Variants in LZTFL1 observed in about 807,000 individuals in gnomAD.
The protein encoded by LZTFL1 is leucine zipper transcription factor-like protein 1.
Under a neutral mutation model 45.9 loss-of-function variants are expected in LZTFL1, and 25 were observed. The ratio of observed to expected loss-of-function variants is 0.54; its 90% CI spans 0.40 to 0.76. The LOEUF (loss-of-function observed/expected upper bound fraction) is 0.76. Ranked by LOEUF, LZTFL1 falls within the 30% of genes least tolerant of loss-of-function variation. LZTFL1 has a pLI of 0.00. For missense variants in LZTFL1, 277 were observed against 331.1 expected (o/e 0.84, Z 1.27); for synonymous variants, 93 against 117.4 (o/e 0.79, Z 1.35).
rs141973623 is a variant in LZTFL1, at chr3:45,875,669, AAAAG to A, written c.-214-16657_-214-16654del. ...AGACTCTGTCTCTATGAAACATACA[AAAAG>A]AAAGAAAGAAAGAAAGAAACAAAAG... On this transcript the variant is annotated intron_variant, in intron 2 of 4. Coordinates refer to the LZTFL1 transcript ENST00000472635. Among the ~76,000 whole-genome samples, 1,365 of 152,088 alleles carry A rather than the reference AAAAG, an allele frequency of 9.0e-3. 21 individuals carry two copies. The highest frequency in any genetic ancestry group is 0.031 in the African/African-American group (1,293 of 41,502).
At chr3:45,869,403 G>T (rs1314634003) in intron 2 of LZTFL1, among the ~76,000 whole-genome samples, 2 of 152,162 alleles carry the variant, frequency 1.3e-5, no homozygotes, top group Non-Finnish European at 2.9e-5. Flanking sequence ...AGTCATGCTT[G>T]CTTAAAGCCA....
intron 2 of LZTFL1, among the ~76,000 whole-genome samples, chr3:45,873,011 A>G (rs1165743270): frequency 6.6e-6 from 1 of 152,240 alleles, no homozygotes; most frequent in Non-Finnish European, 1.5e-5. Context: ...CTACCCAGGT[A>G]CTTATTTTTT....
intron 3 of LZTFL1, among the ~76,000 whole-genome samples, chr3:45,857,903 G>C (rs1466383071): frequency 6.6e-6 from 1 of 152,022 alleles, no homozygotes; most frequent in African/African-American, 2.4e-5. Flanking sequence ...CAAGTCCATA[G>C]TTTATTTGTT....
chr3:45,894,345 C>A (rs576301409), intron 2 of LZTFL1, among the ~76,000 whole-genome samples: 1 of 152,284 alleles, frequency 6.6e-6, no homozygotes, highest in South Asian at 2.1e-4. Context: ...GGGCCCCAAC[C>A]CCAGTGGGCA....
intron 5 of LZTFL1, among the ~76,000 whole-genome samples, 185 bp from the exon 6 acceptor site, chr3:45,831,323 G>A (rs540245618): frequency 2.0e-5 from 3 of 152,304 alleles, no homozygotes; most frequent in African/African-American, 7.2e-5. Context: ...CTGTGAGTCA[G>A]CTTTGGATCT....
At chr3:45,831,942 T>G (rs1279915193) in intron 5 of LZTFL1, among the ~76,000 whole-genome samples, 4 of 152,058 alleles carry the variant, frequency 2.6e-5, no homozygotes, top group African/African-American at 9.7e-5. Flanking sequence ...CCAATAAAAC[T>G]ATTACATTTT....
At chr3:45,913,694 T>C (rs1251964625) in intron 1 of LZTFL1, among the ~76,000 whole-genome samples, 1 of 152,226 alleles carries the variant, frequency 6.6e-6, no homozygotes, top group Admixed American at 6.5e-5. Context: ...TTTTAATTAG[T>C]AGTTAGGGTA....
At chr3:45,868,369 T>C (rs1428431790) in intron 2 of LZTFL1, among the ~76,000 whole-genome samples, 1 of 152,130 alleles carries the variant, frequency 6.6e-6, no homozygotes, top group East Asian at 1.9e-4. Flanking sequence ...GAGAGCCAGA[T>C]GACTCTTAAC....
chr3:45,865,180 TGAG>T (rs753486817), intron 2 of LZTFL1, among the ~76,000 whole-genome samples: 15 of 152,232 alleles, frequency 9.9e-5, no homozygotes, highest in African/African-American at 2.2e-4. Context: ...CAGCCTTTCC[TGAG>T]GAGAAGAAGG....
intron 2 of LZTFL1, among the ~76,000 whole-genome samples, chr3:45,871,196 A>G (rs931466062): frequency 2.0e-5 from 3 of 152,208 alleles, no homozygotes; most frequent in Admixed American, 1.3e-4. Flanking sequence ...AAAGAAATGC[A>G]TTGAATTTCT....
At chr3:45,894,892 T>G (rs768637042) in intron 2 of LZTFL1, 1 of 1,610,208 alleles carries the variant, frequency 6.2e-7, no homozygotes, top group Admixed American at 1.7e-5. Flanking sequence ...TTTTGATTTT[T>G]GTCCCTTTTC....
At chr3:45,866,711 T>C (rs1701582922) in intron 2 of LZTFL1, among the ~76,000 whole-genome samples, 1 of 152,228 alleles carries the variant, frequency 6.6e-6, no homozygotes, top group East Asian at 1.9e-4. Flanking sequence ...GTTTAGAGTC[T>C]TTCAATATAA....
chr3:45,865,055 G>A (rs1701555165), intron 2 of LZTFL1, among the ~76,000 whole-genome samples: 1 of 152,158 alleles, frequency 6.6e-6, no homozygotes, highest in Admixed American at 6.5e-5. Context: ...CACACCTTGT[G>A]GCCATCGATT....
chr3:45,837,871 G>A (rs1240991885), intron 2 of LZTFL1, 56 bp downstream of exon 2: 9 of 1,529,400 alleles, frequency 5.9e-6, no homozygotes, highest in Non-Finnish European at 7.9e-6. Flanking sequence ...CCCCATACTG[G>A]CTACCAGAAA....
chr3:45,887,381 T>C (rs1702016086), intron 2 of LZTFL1, among the ~76,000 whole-genome samples: 1 of 152,206 alleles, frequency 6.6e-6, no homozygotes, highest in Admixed American at 6.5e-5. Flanking sequence ...ATATTATGTA[T>C]GTTGGCATTT....
At chr3:45,840,073 C>T (rs970421450) in intron 1 of LZTFL1, among the ~76,000 whole-genome samples, 5 of 152,170 alleles carry the variant, frequency 3.3e-5, no homozygotes, top group Admixed American at 3.3e-4. Context: ...TCTTATAATG[C>T]ACAACACCTA....
chr3:45,836,512 T>C (rs1013038901), intron 2 of LZTFL1, among the ~76,000 whole-genome samples: 1 of 151,956 alleles, frequency 6.6e-6, no homozygotes, highest in Non-Finnish European at 1.5e-5. Context: ...AAAAATTACC[T>C]GGGTGTGGTG....
intron 2 of LZTFL1, among the ~76,000 whole-genome samples, chr3:45,898,485 G>T (rs1702440711): frequency 6.6e-6 from 1 of 152,220 alleles, no homozygotes; most frequent in Admixed American, 6.5e-5. Context: ...GTTTTCTTTA[G>T]TTCTTTGCGT....
intron 1 of LZTFL1, 135 bp downstream of exon 1, chr3:45,841,854 C>A: frequency 8.4e-7 from 1 of 1,190,880 alleles, no homozygotes; most frequent in African/African-American, 1.5e-5. Flanking sequence ...GCGCAGCTCC[C>A]CTTCTCAGGG....
Sources: gnomAD v4.1 joint callset for allele counts (sites outside exome capture counted in the v4.1 genomes callset) on GRCh38, gnomAD v4.1.1 for gene constraint, MANE v1.5 for transcripts, NCBI Gene and HGNC (gene_info 2026-07-23, HGNC 2026-07-21) for gene names.